Variants in GRM7 observed in about 807,000 individuals in gnomAD.
GRM7 encodes the protein glutamate metabotropic receptor 7.
Under a neutral mutation model 84.5 loss-of-function variants are expected in GRM7, and 35 were observed. The observed-to-expected ratio is 0.41, with a 90% CI of 0.32 to 0.55. The LOEUF is 0.55. Among genes scored for constraint, GRM7 ranks in the 20% least tolerant of loss-of-function variants. The pLI is 0.19. For synonymous variants in GRM7, 487 were observed against 455.1 expected, an observed-to-expected ratio of 1.07 and a Z score of -0.89; for missense variants, 1,003 against 1,194.6, an observed-to-expected ratio of 0.84 and a Z score of 2.36.
At chr3:6,972,964 G>A (rs1047002161) in intron 1 of GRM7, among the ~76,000 whole-genome samples, 1 of 152,162 alleles carries the variant, frequency 6.6e-6, no homozygotes, top group Non-Finnish European at 1.5e-5. Context: ...TATTTCATGG[G>A]GAAATGAGAA....
chr3:7,439,759 G>T (rs899793442), intron 5 of GRM7, among the ~76,000 whole-genome samples: 6 of 152,212 alleles, frequency 3.9e-5, no homozygotes, highest in African/African-American at 1.4e-4. Flanking sequence ...CCTGGGGGAA[G>T]CAGTGTTCTC....
chr3:7,101,202 A>AT (rs1204887911), intron 1 of GRM7, among the ~76,000 whole-genome samples: 1 of 151,692 alleles, frequency 6.6e-6, no homozygotes, highest in African/African-American at 2.4e-5. Flanking sequence ...TAGTTGTACC[A>AT]TTTTTTTATT....
At chr3:7,429,545 A>C (rs1298090339) in intron 5 of GRM7, among the ~76,000 whole-genome samples, 1 of 152,160 alleles carries the variant, frequency 6.6e-6, no homozygotes, top group East Asian at 1.9e-4. Flanking sequence ...GAGAGTCTTC[A>C]AATTGTTTTT....
At chr3:7,153,177 C>G (rs1452140191) in intron 2 of GRM7, among the ~76,000 whole-genome samples, 1 of 129,492 alleles carries the variant, frequency 7.7e-6, no homozygotes, top group African/African-American at 3.0e-5. Flanking sequence ...GACCACCGAG[C>G]CTCCTTTGTT....
chr3:7,558,206 G>C (rs1693859242), intron 7 of GRM7, among the ~76,000 whole-genome samples: 2 of 151,890 alleles, frequency 1.3e-5, no homozygotes, highest in Admixed American at 1.3e-4. Flanking sequence ...CTTGAGCCTG[G>C]GTTTGCTCAT....
intron 2 of GRM7, among the ~76,000 whole-genome samples, chr3:7,269,477 G>C (rs1226402951): frequency 6.6e-6 from 1 of 152,104 alleles, no homozygotes; most frequent in Non-Finnish European, 1.5e-5. Flanking sequence ...TAATTGCTCT[G>C]GGTTGGCTTC....
intron 1 of GRM7, among the ~76,000 whole-genome samples, chr3:6,999,438 GCC>G (rs1325185645): frequency 2.0e-5 from 3 of 152,086 alleles, no homozygotes; most frequent in Non-Finnish European, 2.9e-5. Flanking sequence ...CTTCTTTGGA[GCC>G]CTCTAAACTG....
chr3:7,331,927 G>T (rs900063231), intron 4 of GRM7, among the ~76,000 whole-genome samples: 1 of 152,148 alleles, frequency 6.6e-6, no homozygotes, highest in African/African-American at 2.4e-5. Context: ...TAATTATATT[G>T]AGCGTGTCTG....
intron 1 of GRM7, among the ~76,000 whole-genome samples, chr3:6,999,290 C>T (rs940604383): frequency 6.6e-6 from 1 of 152,216 alleles, no homozygotes; most frequent in Non-Finnish European, 1.5e-5. Context: ...TCAGCATGGA[C>T]TTCATTGTCC....
intron 1 of GRM7, among the ~76,000 whole-genome samples, chr3:7,110,665 G>C (rs1014911720): frequency 1.6e-5 from 2 of 122,926 alleles, no homozygotes; most frequent in Admixed American, 1.6e-4. Context: ...CCCAGTCTAA[G>C]TCCTTTGGCA....
At chr3:7,690,114 G>A (rs1004650435) in intron 9 of GRM7, among the ~76,000 whole-genome samples, 9 of 152,152 alleles carry the variant, frequency 5.9e-5, no homozygotes, top group Non-Finnish European at 1.2e-4. Context: ...CAGTACAAGA[G>A]AATGTGACAT....
intron 4 of GRM7, among the ~76,000 whole-genome samples, chr3:7,409,079 A>ATT (rs1695803981): frequency 6.6e-6 from 1 of 152,142 alleles, no homozygotes; most frequent in South Asian, 2.1e-4. Flanking sequence ...TGATCTGTTT[A>ATT]TTTATGTGCC....
chr3:7,156,163 G>A (rs776191444), intron 2 of GRM7, among the ~76,000 whole-genome samples: 1 of 152,162 alleles, frequency 6.6e-6, no homozygotes, highest in African/African-American at 2.4e-5. Flanking sequence ...AGGAGACTAA[G>A]TATTAGTCAT....
In GRM7 at chr3:6,861,579, G is replaced by T; in HGVS notation, c.191G>T (p.Gly64Val). The T allele has an allele frequency of 6.2e-7, 1 of 1,606,704 alleles. No homozygotes were observed. The highest frequency in any genetic ancestry group is 8.5e-7 in the Non-Finnish European group (1 of 1,175,940). Residue 64 changes from glycine (G) to valine (V), a missense_variant, in exon 1 of 10, where the codon GGA becomes GTA. Physicochemically the swap from Gly to Val is moderately radical, Grantham distance 109. This residue lies in a region of GRM7 where 910 missense variants were observed against 1,126.0 expected (regional missense o/e 0.81). Transcript: ENST00000357716. The surrounding 1 kb of genome is among the most constrained non-coding windows in gnomAD (Gnocchi z 6.4). ...CCCGTGCACGCCAAGGGTCCCAGCG[G>T]AGTGCCCTGCGGCGACATCAAGAGG... Reference protein sequence around the residue: ...LFPVHAKGPSGVPCGDIKREN... With the variant: ...LFPVHAKGPSVVPCGDIKREN...
chr3:7,602,299 A>C (rs1696354888), intron 8 of GRM7, among the ~76,000 whole-genome samples: 2 of 152,094 alleles, frequency 1.3e-5, no homozygotes, highest in Admixed American at 1.3e-4. Context: ...GTCAGGTGAC[A>C]CTTGTGAATC....
intron 7 of GRM7, among the ~76,000 whole-genome samples, chr3:7,563,897 C>T (rs1694145805): frequency 6.6e-6 from 1 of 152,168 alleles, no homozygotes; most frequent in South Asian, 2.1e-4. Flanking sequence ...CATTAGGAAA[C>T]ACCACTGATG....
intron 2 of GRM7, among the ~76,000 whole-genome samples, chr3:7,233,280 A>G (rs1022491969): frequency 1.1e-4 from 16 of 152,304 alleles, no homozygotes; most frequent in African/African-American, 3.8e-4. Context: ...AAGATTTGTC[A>G]GAAGGCTAAA....
chr3:7,300,577 A>T (rs1699963618), intron 3 of GRM7, among the ~76,000 whole-genome samples: 2 of 151,950 alleles, frequency 1.3e-5, no homozygotes, highest in South Asian at 4.1e-4. Context: ...GTCTTATTCT[A>T]TTCCAAATTC....
At chr3:7,221,757 G>T in intron 2 of GRM7, among the ~76,000 whole-genome samples, 2 of 140,878 alleles carry the variant, frequency 1.4e-5, no homozygotes, top group African/African-American at 2.6e-5. Flanking sequence ...TTTCTCTTTT[G>T]TCTTGAGGTA....
Sources: allele counts gnomAD v4.1 joint callset (sites outside exome capture counted in the v4.1 genomes callset), GRCh38; gene constraint gnomAD v4.1.1; regional missense constraint gnomAD v4.1.1; non-coding constraint Gnocchi (gnomAD v3.1); transcripts MANE v1.5; gene names NCBI Gene and HGNC (gene_info 2026-07-23, HGNC 2026-07-21).